Variants in EFR3B observed in about 807,000 individuals in gnomAD.
EFR3B encodes protein EFR3 homolog B.
A neutral mutation model predicts 104.7 loss-of-function variants in EFR3B; 64 were observed. That is an observed-to-expected ratio of 0.61 (90% CI 0.50 to 0.75). EFR3B has a LOEUF of 0.75. Ranked by LOEUF, EFR3B falls within the 30% of genes least tolerant of loss-of-function variation. The pLI is 0.00. For synonymous variants in EFR3B, 385 were observed against 417.9 expected, an observed-to-expected ratio of 0.92 and a Z score of 0.96; for missense variants, 750 against 1,078.5, an observed-to-expected ratio of 0.70 and a Z score of 4.27.
chr2:25,083,986 G>A (rs543252298), intron 1 of EFR3B, among the ~76,000 whole-genome samples: 2 of 152,258 alleles, frequency 1.3e-5, no homozygotes, highest in East Asian at 3.9e-4. Context: ...TGTGACAACT[G>A]TAACCTATCC....
intron 19 of EFR3B, among the ~76,000 whole-genome samples, chr2:25,149,460 C>T (rs1177468790): frequency 2.6e-5 from 4 of 152,184 alleles, no homozygotes; most frequent in Non-Finnish European, 5.9e-5. Flanking sequence ...ATTCAGGACT[C>T]TGTCTAAGTC....
At chr2:25,100,312 A>G (rs991700994) in intron 3 of EFR3B, among the ~76,000 whole-genome samples, 3 of 152,218 alleles carry the variant, frequency 2.0e-5, no homozygotes, top group Non-Finnish European at 4.4e-5. Flanking sequence ...TATTACATTT[A>G]CGGCATGTGA....
chr2:25,054,890 C>G (rs1283157581), intron 1 of EFR3B, among the ~76,000 whole-genome samples: 2 of 152,208 alleles, frequency 1.3e-5, no homozygotes, highest in Non-Finnish European at 2.9e-5. Context: ...CAATCCATGA[C>G]TGTGTCCCTC....
intron 4 of EFR3B, among the ~76,000 whole-genome samples, chr2:25,119,333 G>A (rs1669952007): frequency 1.3e-5 from 2 of 152,206 alleles, no homozygotes; most frequent in African/African-American, 2.4e-5. Flanking sequence ...TCCTTTGAGT[G>A]GACAGACACC....
intron 4 of EFR3B, among the ~76,000 whole-genome samples, chr2:25,116,617 G>A (rs1057512221): frequency 6.6e-6 from 1 of 151,544 alleles, no homozygotes; most frequent in Non-Finnish European, 1.5e-5. Flanking sequence ...GGGCGAGACT[G>A]TCTCAAAAAA....
At chr2:25,132,766 C>A in intron 10 of EFR3B, 137 bp from the exon 11 acceptor site, 1 of 703,252 alleles carries the variant, frequency 1.4e-6, no homozygotes, top group Non-Finnish European at 2.4e-6. Flanking sequence ...CACACCCGGG[C>A]TATCCTGAAT....
At chr2:25,109,313 G>A (rs1669655191) in intron 4 of EFR3B, among the ~76,000 whole-genome samples, 1 of 152,026 alleles carries the variant, frequency 6.6e-6, no homozygotes, top group South Asian at 2.1e-4. Flanking sequence ...ACCACAACAA[G>A]ACACCACTTC....
chr2:25,130,009 G>A lies in EFR3B; in HGVS notation c.670G>A (p.Glu224Lys). Residue 224 changes from glutamate to lysine, a missense_variant, in exon 7 of 23, where the codon GAG becomes AAG. Coordinates refer to ENST00000403714, the MANE Select transcript of EFR3B (RefSeq NM_014971.2). The surrounding 1 kb of genome is among the most constrained non-coding windows in gnomAD (Gnocchi z 4.6). The stretch of plus-strand genomic sequence containing the variant: ...CTCACCCCTCCAAGCACCTGAGAAG[G>A]AGAAAGAGAGCCCCGCGGAGCTGGC... ...SPSPLQAPEKEKESPAELAER... is the reference protein window; with the variant it reads ...SPSPLQAPEKKKESPAELAER... 3 of 1,551,740 alleles carry A rather than the reference G, an allele frequency of 1.9e-6. No individual in the cohort carries two copies. Among genetic ancestry groups the A allele is most frequent in the Non-Finnish European group, 2.6e-6 (3 of 1,147,012 alleles).
intron 1 of EFR3B, among the ~76,000 whole-genome samples, chr2:25,088,192 C>T (rs1669013570): frequency 6.6e-6 from 1 of 152,126 alleles, no homozygotes; most frequent in African/African-American, 2.4e-5. Context: ...TCCAGCGTGC[C>T]TCTTGTTTGT....
At chr2:25,106,456 A>AT (rs35899048) in intron 4 of EFR3B, among the ~76,000 whole-genome samples, 32,115 of 129,676 alleles carry the variant, frequency 0.25, 4,358 homozygotes, top group Middle Eastern at 0.29. Flanking sequence ...TGCCCAGCTA[A>AT]TTTTTTTTTT....
In EFR3B at chr2:25,131,563, A is replaced by G; in HGVS notation, c.985+60A>G. 6.5e-7 allele frequency: 1 copy of G among 1,541,208 alleles called. No individual in the cohort carries two copies. Among genetic ancestry groups the G allele is most frequent in the Non-Finnish European group, 8.8e-7 (1 of 1,141,624 alleles). On this transcript the variant is annotated intron_variant, in intron 9 of 22. Transcript: ENST00000403714. This position sits in a 1 kb window ranked among gnomAD's most constrained non-coding sequence, Gnocchi z 7.6. The stretch of plus-strand genomic sequence containing the variant: ...CCCCGCGGAGGCTGCCGCCTCTTAC[A>G]GAGAGAGGCAAGGGACAACAGGGAG...
At chr2:25,064,454 G>C (rs531229215) in intron 1 of EFR3B, among the ~76,000 whole-genome samples, 8 of 152,296 alleles carry the variant, frequency 5.3e-5, no homozygotes, top group Non-Finnish European at 1.0e-4. Flanking sequence ...TTTATAGGCT[G>C]CCTGCTGACC....
chr2:25,152,104 G>C, intron 21 of EFR3B, 84 bp downstream of exon 21: 2 of 1,386,336 alleles, frequency 1.4e-6, no homozygotes, highest in Non-Finnish European at 2.0e-6. Flanking sequence ...GTTCCTAGGA[G>C]ATCTTGGCTC....
chr2:25,042,680 A>C lies in EFR3B; in HGVS notation c.7+361A>C. 2 of 1,025,446 alleles carry C rather than the reference A, an allele frequency of 2.0e-6. No homozygotes were observed. Among genetic ancestry groups the C allele is most frequent in the Non-Finnish European group, 2.3e-6 (2 of 856,210 alleles). The allele number at this position is 1,025,446 out of a possible 1,614,324, so 63.5% of individuals were successfully genotyped here. On this transcript the variant is annotated intron_variant, in intron 1 of 22. Coordinates refer to ENST00000403714, the MANE Select transcript of EFR3B (RefSeq NM_014971.2). The surrounding 1 kb of genome is among the most constrained non-coding windows in gnomAD (Gnocchi z 5.4). ...TTAACAAAAGCGGTTTGTGCCTGGGAGTTTTCTGTGGGAAGCCGGTCCAGG... is the reference window on the plus strand; with the variant it reads ...TTAACAAAAGCGGTTTGTGCCTGGGCGTTTTCTGTGGGAAGCCGGTCCAGG...
intron 1 of EFR3B, among the ~76,000 whole-genome samples, chr2:25,075,799 G>C (rs906200353): frequency 6.6e-6 from 1 of 152,178 alleles, no homozygotes; most frequent in Non-Finnish European, 1.5e-5. Flanking sequence ...ATGAAAGAAT[G>C]CATAATGCCT....
chr2:25,133,294 A>G, intron 11 of EFR3B, 89 bp from the exon 12 acceptor site: 1 of 1,385,436 alleles, frequency 7.2e-7, no homozygotes, highest in South Asian at 1.2e-5. Flanking sequence ...AGCCTCATGG[A>G]GAAACGAATT....
At position 25,096,699 on chromosome 2, in the gene EFR3B, A is replaced by G. The variant is rs76386283; in HGVS notation, c.212+3569A>G. ...TCTCTCTCACTTTGACCTCTTTGATAGGCCTCCCCCTGCAGCTGCCCATCA... is the reference window on the plus strand; with the variant it reads ...TCTCTCTCACTTTGACCTCTTTGATGGGCCTCCCCCTGCAGCTGCCCATCA... On this transcript the variant is annotated intron_variant, in intron 3 of 22. Transcript: ENST00000403714. Among the ~76,000 whole-genome samples, 3,539 of 152,122 alleles carry G rather than the reference A, an allele frequency of 0.023. 251 individuals carry two copies. The East Asian group carries it at 0.27, about 12-fold the overall frequency.
intron 3 of EFR3B, among the ~76,000 whole-genome samples, chr2:25,093,869 T>C (rs529562873): frequency 6.6e-6 from 1 of 152,332 alleles, no homozygotes; most frequent in African/African-American, 2.4e-5. Flanking sequence ...TACACTTAGG[T>C]GAAATATTTA....
At chr2:25,048,528 T>G (rs1667781695) in intron 1 of EFR3B, among the ~76,000 whole-genome samples, 1 of 152,218 alleles carries the variant, frequency 6.6e-6, no homozygotes, top group Non-Finnish European at 1.5e-5. Flanking sequence ...AACTTCGGAA[T>G]TTTTCCCTAG....
Sources: allele counts gnomAD v4.1 joint callset (sites outside exome capture counted in the v4.1 genomes callset), GRCh38; gene constraint gnomAD v4.1.1; non-coding constraint Gnocchi (gnomAD v3.1); transcripts MANE v1.5; gene names NCBI Gene and HGNC (gene_info 2026-07-23, HGNC 2026-07-21).